DPP6: variants seen among roughly 807,000 people sequenced by gnomAD.
DPP6 encodes dipeptidyl peptidase like 6.
In DPP6, 69 loss-of-function variants were observed where a neutral mutation model predicts 122.6. That is an observed-to-expected ratio of 0.56 (90% CI 0.46 to 0.69). The LOEUF (loss-of-function observed/expected upper bound fraction) is 0.69. DPP6 is among the 30% of genes least tolerant of loss of function. DPP6 has a pLI of 0.00. For synonymous variants in DPP6, 418 were observed against 433.1 expected (o/e 0.97, Z 0.43); for missense variants, 928 against 1,116.9 (o/e 0.83, Z 2.41).
intron 5 of DPP6, among the ~76,000 whole-genome samples, chr7:154,575,801 T>G (rs1049211432): frequency 6.6e-6 from 1 of 150,936 alleles, no homozygotes; most frequent in Admixed American, 6.6e-5. Context: ...TGTATCTGTG[T>G]GTTTGTGTGT....
chr7:153,880,686 G>T, the DPP6 span, among the ~76,000 whole-genome samples: 1 of 152,180 alleles, frequency 6.6e-6, no homozygotes, highest in Non-Finnish European at 1.5e-5. Context: ...TTAATGCACA[G>T]AGACAAGTAT....
Position 154,867,986 on chromosome 7 carries a change from C to A in DPP6, c.1715-9C>A. On this transcript the variant is annotated splice_polypyrimidine_tract_variant and intron_variant, in intron 17 of 25. Coordinates refer to ENST00000377770, the MANE Select transcript of DPP6 (RefSeq NM_130797.4). ...GCATCTCAGTGTGTCCCTGTTTCCTCTCTTTCAGAAATGTTTGACCTAGAA... is the reference window on the plus strand; with the variant it reads ...GCATCTCAGTGTGTCCCTGTTTCCTATCTTTCAGAAATGTTTGACCTAGAA... The A allele has an allele frequency of 6.3e-7, 1 of 1,586,762 alleles. No individual in the cohort carries two copies. The highest frequency in any genetic ancestry group is 2.3e-5 in the East Asian group (1 of 43,888).
At chr7:153,818,983 C>T in the DPP6 span, among the ~76,000 whole-genome samples, 2 of 150,116 alleles carry the variant, frequency 1.3e-5, no homozygotes. Flanking sequence ...AACTCCTGAC[C>T]TCGTGATCCG....
intron 1 of DPP6, among the ~76,000 whole-genome samples, chr7:153,972,774 T>G (rs1796088134): frequency 6.7e-6 from 1 of 150,282 alleles, no homozygotes; most frequent in Non-Finnish European, 1.5e-5. Flanking sequence ...TTTTTTGGAA[T>G]GAATTTGATC....
At chr7:154,505,280 G>A (rs1490717130) in intron 3 of DPP6, among the ~76,000 whole-genome samples, 1 of 152,146 alleles carries the variant, frequency 6.6e-6, no homozygotes, top group Non-Finnish European at 1.5e-5. Context: ...ATATAGCAAA[G>A]TTGCAAAGGT....
chr7:154,599,490 TC>T (rs1833297046), intron 5 of DPP6, among the ~76,000 whole-genome samples: 1 of 143,028 alleles, frequency 7.0e-6, no homozygotes, highest in African/African-American at 2.9e-5. Flanking sequence ...CAAGTGGACT[TC>T]TTTTTATTAT....
At chr7:153,940,035 G>T (rs6955332) in intron 1 of DPP6, among the ~76,000 whole-genome samples, 33,785 of 152,104 alleles carry the variant, frequency 0.22, 3,890 homozygotes, top group Middle Eastern at 0.33. Flanking sequence ...ACAAGACATG[G>T]CATGGCTCCT....
intron 6 of DPP6, among the ~76,000 whole-genome samples, chr7:154,647,312 C>A (rs1399467685): frequency 2.0e-5 from 3 of 152,150 alleles, no homozygotes; most frequent in African/African-American, 7.2e-5. Flanking sequence ...ACAAGTGACA[C>A]CCAGGATTGC....
rs1490323256 is a variant in DPP6 at position 154,060,106 on chromosome 7, C to G, written c.243+7043C>G. Reference sequence around the variant, plus strand: ...CACCATCGCAGGGGGGGAGGCAATCCTCCCGAGGCGGGACTGCAAACCTCC... The same window carrying G: ...CACCATCGCAGGGGGGGAGGCAATCGTCCCGAGGCGGGACTGCAAACCTCC... On this transcript the variant is annotated intron_variant, in intron 1 of 25. Transcript: ENST00000377770. 3.3e-5 allele frequency among the ~76,000 whole-genome samples: 5 copies of G among 150,242 alleles called. No individual in the cohort carries two copies. In the East Asian group the frequency reaches 9.9e-4, roughly 30 times the overall value.
chr7:153,791,155 T>C, the DPP6 span, among the ~76,000 whole-genome samples: 2 of 152,164 alleles, frequency 1.3e-5, no homozygotes. Flanking sequence ...TGTATTTTTG[T>C]TGGGGTTTCA....
At chr7:154,245,630 T>A (rs1338495585) in intron 1 of DPP6, among the ~76,000 whole-genome samples, 3 of 48,612 alleles carry the variant, frequency 6.2e-5, no homozygotes, top group Non-Finnish European at 1.2e-4. Context: ...AGAGTAAGAC[T>A]GTCTCAAAAA....
At chr7:154,379,182 A>G (rs1026549214) in intron 1 of DPP6, among the ~76,000 whole-genome samples, 1 of 152,188 alleles carries the variant, frequency 6.6e-6, no homozygotes, top group Non-Finnish European at 1.5e-5. Context: ...AGGTGCCTCC[A>G]TAAAAGGTCA....
intron 1 of DPP6, among the ~76,000 whole-genome samples, chr7:154,142,144 G>T (rs1795878671): frequency 6.6e-6 from 1 of 151,852 alleles, no homozygotes; most frequent in Non-Finnish European, 1.5e-5. Flanking sequence ...CATTGATAAT[G>T]ACCTTATCCT....
chr7:154,210,052 T>C (rs538660711), intron 1 of DPP6, among the ~76,000 whole-genome samples: 9 of 152,162 alleles, frequency 5.9e-5, no homozygotes, highest in Non-Finnish European at 1.2e-4. Context: ...TGGGAAAACC[T>C]CATTACTCTC....
At position 154,175,706 on chromosome 7, in the gene DPP6, C is replaced by G. The variant is rs116416773; in HGVS notation, c.243+122643C>G. ...GAGCTTAGAAGCAAGGCTATTTATT[C>G]TTACTGGAGACTGGCTTTTTTTTTT... On this transcript the variant is annotated intron_variant, in intron 1 of 25. Transcript: ENST00000377770. Among the ~76,000 whole-genome samples the G allele has an allele frequency of 2.2e-3, 334 of 148,618 alleles. 1 individual carries two copies. The highest frequency in any genetic ancestry group is 7.9e-3 in the African/African-American group (318 of 40,488).
chr7:154,592,047 A>G (rs945755279), intron 5 of DPP6, among the ~76,000 whole-genome samples: 1 of 152,200 alleles, frequency 6.6e-6, no homozygotes, highest in Non-Finnish European at 1.5e-5. Context: ...GGGGATGGGC[A>G]GGGGCCAGGC....
At position 154,198,677 on chromosome 7, in the gene DPP6, GA is replaced by G. The variant is rs771998544; in HGVS notation, c.243+145616del. Among the ~76,000 whole-genome samples the G allele has an allele frequency of 9.7e-4, 148 of 152,182 alleles. 1 individual carries two copies. The highest frequency in any genetic ancestry group is 2.0e-3 in the Non-Finnish European group (134 of 68,040). ...CATTATGCAACTCTGGTTAGATAAT[GA>G]AGGTCATGATACACCTAGAAGGTTA... On this transcript the variant is annotated intron_variant, in intron 1 of 25. Transcript: ENST00000377770.
chr7:154,776,681 A>T (rs1354051436), intron 10 of DPP6, among the ~76,000 whole-genome samples: 2 of 152,188 alleles, frequency 1.3e-5, no homozygotes, highest in Non-Finnish European at 2.9e-5. Flanking sequence ...TCTTATTTGC[A>T]TGGGATTCTT....
In DPP6 at chr7:154,433,136, G is replaced by GTTTTTTTTTT. The variant is rs548053204; in HGVS notation, c.244-13060_244-13051dup. Among the ~76,000 whole-genome samples the GTTTTTTTTTT allele has an allele frequency of 5.2e-3, 379 of 72,344 alleles. 71 individuals carry two copies. The highest frequency in any genetic ancestry group is 0.021 in the African/African-American group (353 of 16,826). The allele number at this position is 72,344 out of a possible 152,430, so 47.5% of individuals were successfully genotyped here. ...TAATGGCTCTCATACTAGACTGCAA[G>GTTTTTTTTTT]TTTTTTTTTTTTTTTTTTTTTTTTT... On this transcript the variant is annotated intron_variant, in intron 1 of 25. Coordinates refer to ENST00000377770, the MANE Select transcript of DPP6 (RefSeq NM_130797.4).
Sources: allele counts gnomAD v4.1 joint callset (sites outside exome capture counted in the v4.1 genomes callset), GRCh38; gene constraint gnomAD v4.1.1; transcripts MANE v1.5; gene names NCBI Gene and HGNC (gene_info 2026-07-23, HGNC 2026-07-21).